Variants in SYN2 observed in about 807,000 individuals in gnomAD.
The protein encoded by SYN2 is synapsin II, also known as synapsin-2.
In SYN2, 19 loss-of-function variants were observed where a neutral mutation model predicts 50.9. The ratio of observed to expected loss-of-function variants is 0.37; its 90% CI spans 0.26 to 0.55. The LOEUF (loss-of-function observed/expected upper bound fraction) is 0.55, where lower values mean the gene tolerates loss of function less well. SYN2 is among the 20% of genes least tolerant of loss of function. SYN2 has a pLI of 0.81. For missense variants in SYN2, 587 were observed against 576.4 expected (o/e 1.02, Z -0.19); for synonymous variants, 255 against 224.9 (o/e 1.13, Z -1.20).
chr3:12,081,424 A>G (rs1414167898), intron 1 of SYN2, among the ~76,000 whole-genome samples: 1 of 152,160 alleles, frequency 6.6e-6, no homozygotes, highest in Non-Finnish European at 1.5e-5. Flanking sequence ...TTTTGTGCAC[A>G]TTATTAGATT....
chr3:12,153,861 C>G, intron 5 of SYN2: 1 of 877,272 alleles, frequency 1.1e-6, no homozygotes, highest in Non-Finnish European at 1.7e-6. Flanking sequence ...CTCCTGGATT[C>G]TCCTTCCCCA....
chr3:12,154,551 G>A, intron 5 of SYN2: 2 of 1,400,988 alleles, frequency 1.4e-6, no homozygotes, highest in South Asian at 1.4e-5. Flanking sequence ...CCTCCCCAAT[G>A]ACTTTGGTGG....
At chr3:12,058,640 G>A (rs947284027) in intron 1 of SYN2, among the ~76,000 whole-genome samples, 1 of 152,202 alleles carries the variant, frequency 6.6e-6, no homozygotes, top group Admixed American at 6.5e-5. Flanking sequence ...AGGGGAATAT[G>A]AAAGCAGTGC....
At chr3:12,058,649 G>C (rs1209232357) in intron 1 of SYN2, among the ~76,000 whole-genome samples, 1 of 152,180 alleles carries the variant, frequency 6.6e-6, no homozygotes, top group Non-Finnish European at 1.5e-5. Flanking sequence ...TGAAAGCAGT[G>C]CTGGAACAGG....
chr3:12,133,901 CA>C (rs1200423511), intron 1 of SYN2, among the ~76,000 whole-genome samples: 1 of 152,076 alleles, frequency 6.6e-6, no homozygotes, highest in Non-Finnish European at 1.5e-5. Flanking sequence ...AGAATATTGG[CA>C]AATTAATACA....
intron 1 of SYN2, among the ~76,000 whole-genome samples, chr3:12,052,472 G>GA (rs1183735694): frequency 6.6e-6 from 1 of 151,960 alleles, no homozygotes; most frequent in Non-Finnish European, 1.5e-5. Flanking sequence ...ATACTTTCAA[G>GA]AAAAAAATTA....
intron 1 of SYN2, among the ~76,000 whole-genome samples, chr3:12,053,834 A>T (rs994641929): frequency 1.3e-5 from 2 of 152,234 alleles, no homozygotes; most frequent in African/African-American, 4.8e-5. Context: ...TAAACCTCGA[A>T]TAATTAAAAA....
At chr3:12,079,689 G>A (rs532662786) in intron 1 of SYN2, among the ~76,000 whole-genome samples, 2 of 152,272 alleles carry the variant, frequency 1.3e-5, no homozygotes, top group South Asian at 2.1e-4. Context: ...TTGGTGTGCT[G>A]CTGTATTCAG....
At chr3:12,111,216 C>A (rs369552599) in intron 1 of SYN2, among the ~76,000 whole-genome samples, 1 of 152,238 alleles carries the variant, frequency 6.6e-6, no homozygotes, top group African/African-American at 2.4e-5. Flanking sequence ...AAGGAGAGTT[C>A]CCCTGCGGAA....
At chr3:12,101,521 T>C (rs573161324) in intron 1 of SYN2, among the ~76,000 whole-genome samples, 1 of 152,262 alleles carries the variant, frequency 6.6e-6, no homozygotes, top group African/African-American at 2.4e-5. Flanking sequence ...GGCACTTGGT[T>C]TCTATTTGGG....
intron 10 of SYN2, among the ~76,000 whole-genome samples, chr3:12,182,550 C>T (rs1384236960): frequency 6.6e-6 from 1 of 152,196 alleles, no homozygotes; most frequent in African/African-American, 2.4e-5. Context: ...TAAGTGTAGT[C>T]ATGCTGTTTG....
At chr3:12,123,878 G>A (rs765967921) in intron 1 of SYN2, among the ~76,000 whole-genome samples, 2 of 152,098 alleles carry the variant, frequency 1.3e-5, no homozygotes, top group Non-Finnish European at 2.9e-5. Flanking sequence ...AAGTGTGGTG[G>A]TGTGTGCCTG....
intron 1 of SYN2, among the ~76,000 whole-genome samples, chr3:12,123,719 G>A (rs1574952730): frequency 6.6e-6 from 1 of 152,266 alleles, no homozygotes. Flanking sequence ...AGTTCAAGGC[G>A]AGTGGATAGC....
chr3:12,144,150 CAG>C (rs1220895613), intron 3 of SYN2, among the ~76,000 whole-genome samples: 5 of 152,336 alleles, frequency 3.3e-5, no homozygotes, highest in African/African-American at 7.2e-5. Flanking sequence ...GACATAAAAA[CAG>C]GGGCCGTGGT....
intron 5 of SYN2, among the ~76,000 whole-genome samples, chr3:12,155,699 A>C (rs6801376): frequency 1.3e-5 from 2 of 152,036 alleles, no homozygotes; most frequent in Non-Finnish European, 2.9e-5. Flanking sequence ...TTCTTAGACT[A>C]TTTTTTGTCA....
At chr3:12,133,437 T>C (rs1382352948) in intron 1 of SYN2, among the ~76,000 whole-genome samples, 2 of 152,260 alleles carry the variant, frequency 1.3e-5, no homozygotes, top group Non-Finnish European at 2.9e-5. Flanking sequence ...TTTATGTCTC[T>C]GTTCCAGAAC....
chr3:12,128,771 C>A (rs537374379), intron 1 of SYN2, among the ~76,000 whole-genome samples: 5 of 152,148 alleles, frequency 3.3e-5, no homozygotes, highest in South Asian at 2.1e-4. Context: ...AAAGAACTCA[C>A]GCAGGAAAGT....
At chr3:12,130,230 C>T (rs1460008456) in intron 1 of SYN2, among the ~76,000 whole-genome samples, 1 of 85,182 alleles carries the variant, frequency 1.2e-5, no homozygotes, top group African/African-American at 3.4e-5. Context: ...GTATGCATCT[C>T]TGTGTGCGTG....
At chr3:12,116,651 T>G (rs960252872) in intron 1 of SYN2, among the ~76,000 whole-genome samples, 1 of 152,198 alleles carries the variant, frequency 6.6e-6, no homozygotes, top group Admixed American at 6.5e-5. Context: ...TCCTCTACAG[T>G]AAAGATTCTC....
Sources: allele counts gnomAD v4.1 joint callset (sites outside exome capture counted in the v4.1 genomes callset), GRCh38; gene constraint gnomAD v4.1.1; transcripts MANE v1.5; gene names NCBI Gene and HGNC (gene_info 2026-07-23, HGNC 2026-07-21).